DMAC2L: variants seen among roughly 807,000 people sequenced by gnomAD.
DMAC2L encodes ATP synthase subunit s, mitochondrial.
A neutral mutation model predicts 22.5 loss-of-function variants in DMAC2L; 21 were observed. The observed-to-expected ratio is 0.93, with a 90% CI of 0.66 to 1.34. The LOEUF is 1.34. DMAC2L is among the 40% of genes most tolerant of loss of function. The pLI, the probability that DMAC2L is intolerant of heterozygous loss-of-function variation, is 0.00. For synonymous variants in DMAC2L, 86 were observed against 89.5 expected, an observed-to-expected ratio of 0.96 and a Z score of 0.22; for missense variants, 239 against 246.5, an observed-to-expected ratio of 0.97 and a Z score of 0.20.
At chr14:50,325,252 C>A (rs1372587230) in intron 5 of DMAC2L, among the ~76,000 whole-genome samples, 2 of 152,238 alleles carry the variant, frequency 1.3e-5, no homozygotes, top group African/African-American at 4.8e-5. Context: ...TCTTACATTA[C>A]TTGAAGCTTC....
At chr14:50,312,246 G>C, upstream of DMAC2L, 1 of 1,532,050 alleles carries the variant, frequency 6.5e-7, no homozygotes, top group Non-Finnish European at 8.8e-7. Context: ...CCTCACGCGG[G>C]GGCCAATGAA....
chr14:50,317,154 G>A (rs903896301), intron 2 of DMAC2L, among the ~76,000 whole-genome samples: 2 of 151,986 alleles, frequency 1.3e-5, no homozygotes, highest in African/African-American at 4.8e-5. Flanking sequence ...CACCTCCTTG[G>A]TTAGGCATAT....
chr14:50,312,414 G>C (rs1315976771), intron 1 of DMAC2L, 25 bp downstream of exon 1: 3 of 554,572 alleles, frequency 5.4e-6, no homozygotes, highest in Non-Finnish European at 9.7e-6. Flanking sequence ...TAGGCCCCGA[G>C]CCGGGCGGGA....
chr14:50,321,289 C>G, intron 2 of DMAC2L, 194 bp from the exon 3 acceptor site: 1 of 1,122,140 alleles, frequency 8.9e-7, no homozygotes, highest in Non-Finnish European at 1.2e-6. Flanking sequence ...ACCATCCAGT[C>G]CAACCCCTCA....
chr14:50,324,835 G>C (rs950664309), intron 5 of DMAC2L: 14 of 152,364 alleles, frequency 9.2e-5, no homozygotes, highest in African/African-American at 2.9e-4. Flanking sequence ...GAGTGCAGTG[G>C]CATGATCTTG....
intron 1 of DMAC2L, chr14:50,312,878 C>A: frequency 1.2e-6 from 1 of 805,878 alleles, no homozygotes; most frequent in Non-Finnish European, 2.1e-6. Context: ...TTCATTCAGT[C>A]ATTGATTCGT....
chr14:50,317,040 A>G (rs546565714), intron 2 of DMAC2L, among the ~76,000 whole-genome samples: 1 of 152,254 alleles, frequency 6.6e-6, no homozygotes, highest in East Asian at 1.9e-4. Flanking sequence ...CATTTTCACA[A>G]TGTTGACTCT....
At chr14:50,321,144 G>C (rs914524822) in intron 2 of DMAC2L, among the ~76,000 whole-genome samples, 3 of 152,038 alleles carry the variant, frequency 2.0e-5, no homozygotes, top group African/African-American at 7.2e-5. Context: ...AATATAGATG[G>C]GGAATAGAGG....
At chr14:50,321,660 T>C (rs1408411292) in intron 3 of DMAC2L, 66 bp downstream of exon 3, 2 of 1,195,448 alleles carry the variant, frequency 1.7e-6, no homozygotes, top group Middle Eastern at 1.9e-4. Flanking sequence ...TCCCAATAGC[T>C]TGTTTGGCTA....
At chr14:50,317,681 A>G (rs936657514) in intron 2 of DMAC2L, among the ~76,000 whole-genome samples, 2 of 152,126 alleles carry the variant, frequency 1.3e-5, no homozygotes, top group Admixed American at 1.3e-4. Flanking sequence ...GAGGCAGGAC[A>G]ATCGCTTGAA....
At chr14:50,312,917 C>G in intron 1 of DMAC2L, 1 of 1,319,302 alleles carries the variant, frequency 7.6e-7, no homozygotes, top group Non-Finnish European at 1.1e-6. Flanking sequence ...CTGCTCTGTA[C>G]TCGACCCGGC....
chr14:50,320,501 C>T (rs186178999), intron 2 of DMAC2L, among the ~76,000 whole-genome samples: 6 of 152,322 alleles, frequency 3.9e-5, no homozygotes, highest in Non-Finnish European at 8.8e-5. Context: ...TCTCATGACT[C>T]ACATGTGCTA....
In DMAC2L at chr14:50,326,128, G is replaced by T; in HGVS notation, c.*405G>T. Reference sequence around the variant, plus strand: ...GCCTTTAATCCCAGCTACTCTGGAGGCTGAGGCAGGAGAATCACTTGACTT... The same window carrying T: ...GCCTTTAATCCCAGCTACTCTGGAGTCTGAGGCAGGAGAATCACTTGACTT... On this transcript the variant is annotated 3_prime_UTR_variant, in exon 6 of 6. Coordinates refer to ENST00000557421, the MANE Select transcript of DMAC2L (RefSeq NM_001382507.1). 4.6e-6 allele frequency: 1 copy of T among 218,136 alleles called. No homozygotes were observed. Among genetic ancestry groups the T allele is most frequent in the Non-Finnish European group, 7.8e-6 (1 of 128,172 alleles). 13.5% of individuals were successfully genotyped at this position (218,136 alleles called of 1,614,324 possible). A position where few individuals can be genotyped will look rare whatever the true frequency, so the allele number is the denominator to read the frequency against.
At chr14:50,321,701 T>G (rs1327593022) in intron 3 of DMAC2L, 107 bp downstream of exon 3, 2 of 722,180 alleles carry the variant, frequency 2.8e-6, no homozygotes, top group Non-Finnish European at 4.4e-6. Context: ...TGCAGTGTGA[T>G]CCTAATTTTG....
At chr14:50,323,738 G>A (rs1199037078) in intron 4 of DMAC2L, among the ~76,000 whole-genome samples, 2 of 152,132 alleles carry the variant, frequency 1.3e-5, no homozygotes, top group Non-Finnish European at 2.9e-5. Flanking sequence ...ATCTGACTGC[G>A]GAATGGTCCT....
intron 5 of DMAC2L, 38 bp from the exon 6 acceptor site, chr14:50,325,571 C>A: frequency 6.4e-7 from 1 of 1,556,380 alleles, no homozygotes; most frequent in Non-Finnish European, 8.8e-7. Context: ...TTTTAATGCT[C>A]TTGGCCAAAT....
rs1444325433 is a variant in DMAC2L, at chr14:50,323,959, G to T, written c.331G>T (p.Val111Phe). The T allele has an allele frequency of 6.2e-7, 1 of 1,610,984 alleles. No homozygotes were observed. Among genetic ancestry groups the T allele is most frequent in the East Asian group, 2.2e-5 (1 of 44,810 alleles). ...GFDHMEGLEH[V>F]EKIRLCKCHY... is the part of the protein sequence containing the mutation. Reference sequence around the variant, plus strand: ...TTTCTCCCCAGAGGGCCTAGAGCATGTTGAAAAAATAAGGCTGTGCAAGTG... The same window carrying T: ...TTTCTCCCCAGAGGGCCTAGAGCATTTTGAAAAAATAAGGCTGTGCAAGTG... The change falls in exon 5 of 6, where the codon GTT becomes TTT. Residue 111 changes from valine to phenylalanine, a missense_variant. Coordinates refer to ENST00000557421, the MANE Select transcript of DMAC2L (RefSeq NM_001382507.1).
chr14:50,321,925 G>A (rs1198042122), intron 3 of DMAC2L, among the ~76,000 whole-genome samples: 2 of 152,104 alleles, frequency 1.3e-5, no homozygotes, highest in Non-Finnish European at 1.5e-5. Context: ...TTAAAGGAAT[G>A]TAGTTAACCT....
rs2032703889 is a variant in DMAC2L at position 50,326,358 on chromosome 14, GT to G, written c.*640del. The G allele has an allele frequency of 1.2e-6, 1 of 861,438 alleles. No homozygotes were observed. Among genetic ancestry groups the G allele is most frequent in the Admixed American group, 6.2e-5 (1 of 16,060 alleles). The allele number at this position is 861,438 out of a possible 1,614,324, so 53.4% of individuals were successfully genotyped here. A position where few individuals can be genotyped will look rare whatever the true frequency, so the allele number is the denominator to read the frequency against. ...CTTTAAAGTTATTTGTACAACAGAT[GT>G]TTTTATTATAACAGTAATTTACATT... is the stretch of plus-strand genomic sequence containing the variant. On this transcript the variant is annotated 3_prime_UTR_variant, in exon 6 of 6. Coordinates refer to ENST00000557421, the MANE Select transcript of DMAC2L (RefSeq NM_001382507.1).
Sources: gnomAD v4.1 joint callset for allele counts (sites outside exome capture counted in the v4.1 genomes callset) on GRCh38, gnomAD v4.1.1 for gene constraint, MANE v1.5 for transcripts, NCBI Gene and HGNC (gene_info 2026-07-23, HGNC 2026-07-21) for gene names.